The following ZSCAN26 variants were observed in gnomAD, a reference collection of about 807,000 sequenced individuals.
The protein encoded by ZSCAN26 is zinc finger and SCAN domain containing 26, also known as zinc finger and SCAN domain-containing protein 26.
In ZSCAN26, 26 loss-of-function variants were observed where a neutral mutation model predicts 23.0. The ratio of observed to expected loss-of-function variants is 1.13; its 90% CI spans 0.83 to 1.57. The LOEUF (loss-of-function observed/expected upper bound fraction) is 1.57, where lower values mean the gene tolerates loss of function less well. ZSCAN26 is among the 40% of genes most tolerant of loss of function. ZSCAN26 has a pLI of 0.00. For missense variants in ZSCAN26, 528 were observed against 568.5 expected (o/e 0.93, Z 0.72); for synonymous variants, 180 against 202.5 (o/e 0.89, Z 0.94).
rs1428963219 is a variant in ZSCAN26, at chr6:28,277,060, A to G, written c.1404A>G (p.Gln468=). ...EAFRQRSGLF[Q]HQRYHHKDKL... is the part of the protein sequence containing the mutation. ...TCAGGCAAAGGTCAGGTCTTTTTCA[A>G]CATCAGAGATATCACCACAAAGACA... The change falls in exon 4 of 4, where the codon CAA becomes CAG. Residue 468 remains glutamine, a synonymous_variant. Transcript: ENST00000421553. The G allele has an allele frequency of 3.7e-6, 6 of 1,613,792 alleles. No homozygotes were observed. The highest frequency in any genetic ancestry group is 1.1e-5 in the South Asian group (1 of 91,066).
chr6:28,276,128 T>G, intron 3 of ZSCAN26, 67 bp from the exon 4 acceptor site: 1 of 1,426,994 alleles, frequency 7.0e-7, no homozygotes, highest in Non-Finnish European at 9.5e-7. Context: ...TTTTTCCTTT[T>G]AGTTGCAGAT....
intron 1 of ZSCAN26, among the ~76,000 whole-genome samples, chr6:28,268,659 A>C (rs1761546685): frequency 6.6e-6 from 1 of 152,224 alleles, no homozygotes; most frequent in South Asian, 2.1e-4. Flanking sequence ...AACTTGATTG[A>C]TCAGATACAT....
intron 1 of ZSCAN26, among the ~76,000 whole-genome samples, chr6:28,269,598 A>C: frequency 6.6e-6 from 1 of 152,154 alleles, no homozygotes; most frequent in East Asian, 1.9e-4. Context: ...TGAAGGCCAT[A>C]GGCTTGAGAT....
Position 28,276,489 on chromosome 6 carries a change from CTA to C in ZSCAN26, c.834_835del (p.Lys281ArgfsTer6), listed in dbSNP as rs766084746. 5.4e-5 allele frequency: 87 copies of C among 1,613,918 alleles called. No homozygotes were observed. The African/African-American group carries it at 9.5e-4, about 18-fold the overall frequency. On this transcript the variant is annotated frameshift_variant, in exon 4 of 4. Coordinates refer to ENST00000421553, the MANE Select transcript of ZSCAN26 (RefSeq NM_001023560.4). LOFTEE classifies it low-confidence loss of function (END_TRUNC). ...CTTACAGGACATAAGAAAGTCCTCTCTAGAGAGAAAGGTCATCAGTGTCATGA... is the reference window on the plus strand; with the variant it reads ...CTTACAGGACATAAGAAAGTCCTCTCGAGAGAAAGGTCATCAGTGTCATGA...
At position 28,272,146 on chromosome 6, in the gene ZSCAN26, G is replaced by C; in HGVS notation, c.227G>C (p.Cys76Ser). 6.2e-7 allele frequency: 1 copy of C among 1,612,950 alleles called. No individual in the cohort carries two copies. Among genetic ancestry groups the C allele is most frequent in the Non-Finnish European group, 8.5e-7 (1 of 1,179,476 alleles). Residue 76 changes from cysteine to serine, a missense_variant, in exon 2 of 4, where the codon TGT becomes TCT. By Grantham distance (112) the Cys-to-Ser change is moderately radical (BLOSUM62 -1). Transcript: ENST00000421553. ...REALSRLREL[C>S]QQWLQPETHT... ...GCACTAAGTCGGCTCCGGGAGCTCT[G>C]TCAACAGTGGCTACAGCCCGAGACC...
chr6:28,271,261 A>G (rs182016021), intron 1 of ZSCAN26, among the ~76,000 whole-genome samples: 2 of 152,234 alleles, frequency 1.3e-5, no homozygotes, highest in Admixed American at 1.3e-4. Flanking sequence ...TCCCAGCCAT[A>G]ACTAACTACT....
rs1047399523 is a variant in ZSCAN26, at chr6:28,278,098, A to G, written c.*1002A>G. 2.0e-5 allele frequency: 3 copies of G among 152,244 alleles called. No homozygotes were observed. Among genetic ancestry groups the G allele is most frequent in the African/African-American group, 4.8e-5 (2 of 41,462 alleles). The allele number at this position is 152,244 out of a possible 1,614,324, so 9.4% of individuals were successfully genotyped here. A position where few individuals can be genotyped will look rare whatever the true frequency, so the allele number is the denominator to read the frequency against. Reference sequence around the variant, plus strand: ...AAATTAGGGGCGTCCACTCCAAAACATATCACCAGAGTGACAACTTCAGCC... The same window carrying G: ...AAATTAGGGGCGTCCACTCCAAAACGTATCACCAGAGTGACAACTTCAGCC... On this transcript the variant is annotated 3_prime_UTR_variant, in exon 4 of 4. Transcript: ENST00000421553.
chr6:28,277,907 ATGTC>A lies in ZSCAN26; in HGVS notation c.*814_*817del, dbSNP rs2113733221. On this transcript the variant is annotated 3_prime_UTR_variant, in exon 4 of 4. Coordinates refer to ENST00000421553, the MANE Select transcript of ZSCAN26 (RefSeq NM_001023560.4). ...CTGCTGCATAGACACTATTCAGTAA[ATGTC>A]TGATGAAAGAAATTGGACTTTTTCC... The A allele has an allele frequency of 6.6e-6, 1 of 152,342 alleles. No homozygotes were observed. The highest frequency in any genetic ancestry group is 2.4e-5 in the African/African-American group (1 of 41,576). The allele number at this position is 152,342 out of a possible 1,614,324, so 9.4% of individuals were successfully genotyped here. A position where few individuals can be genotyped will look rare whatever the true frequency, so the allele number is the denominator to read the frequency against.
At chr6:28,273,520 G>A (rs912068491) in intron 3 of ZSCAN26, among the ~76,000 whole-genome samples, 2 of 150,590 alleles carry the variant, frequency 1.3e-5, no homozygotes, top group African/African-American at 2.5e-5. Context: ...CAGCCTGGGC[G>A]ACACAGCAAG....
At chr6:28,270,105 G>A (rs765583958) in intron 1 of ZSCAN26, among the ~76,000 whole-genome samples, 7 of 152,020 alleles carry the variant, frequency 4.6e-5, no homozygotes, top group South Asian at 2.1e-4. Flanking sequence ...CACCACACCC[G>A]GCTCATTTTT....
chr6:28,272,173 A>C lies in ZSCAN26; in HGVS notation c.254A>C (p.His85Pro). The stretch of plus-strand genomic sequence containing the variant: ...CAACAGTGGCTACAGCCCGAGACCC[A>C]TACCAAGGAGCAGATCCTGGAGCTG... ...LCQQWLQPET[H>P]TKEQILELLV... The change falls in exon 2 of 4, where the codon CAT becomes CCT. Residue 85 changes from histidine (H) to proline (P), a missense_variant. Transcript: ENST00000421553. 6.2e-7 allele frequency: 1 copy of C among 1,613,948 alleles called. No homozygotes were observed. Among genetic ancestry groups the C allele is most frequent in the Non-Finnish European group, 8.5e-7 (1 of 1,179,984 alleles).
intron 3 of ZSCAN26, 137 bp downstream of exon 3, chr6:28,272,924 A>G: frequency 1.5e-6 from 1 of 659,802 alleles, no homozygotes. Context: ...ATTTATATGT[A>G]GTAAAATTCA....
In ZSCAN26 at chr6:28,272,230, C is replaced by T; in HGVS notation, c.311C>T (p.Pro104Leu). 1 of 1,613,884 alleles carries T rather than the reference C, an allele frequency of 6.2e-7. No individual in the cohort carries two copies. Among genetic ancestry groups the T allele is most frequent in the South Asian group, 1.1e-5 (1 of 90,992 alleles). Reference protein sequence around the residue: ...LVLEQFLIILPKELQARVQEH... With the variant: ...LVLEQFLIILLKELQARVQEH... Reference sequence around the variant, plus strand: ...CTGGAGCAGTTTCTGATCATCCTGCCTAAGGAGCTCCAGGCCCGGGTGCAG... The same window carrying T: ...CTGGAGCAGTTTCTGATCATCCTGCTTAAGGAGCTCCAGGCCCGGGTGCAG... The change falls in exon 2 of 4, where the codon CCT becomes CTT. Residue 104 changes from proline to leucine, a missense_variant. Pro to Leu is a moderately conservative substitution (Grantham distance 98). Transcript: ENST00000421553.
chr6:28,267,757 T>C (rs1761505428), intron 1 of ZSCAN26, among the ~76,000 whole-genome samples: 1 of 152,140 alleles, frequency 6.6e-6, no homozygotes, highest in African/African-American at 2.4e-5. Flanking sequence ...TGTGTGTTTT[T>C]GGAGGATTTT....
intron 3 of ZSCAN26, among the ~76,000 whole-genome samples, chr6:28,274,291 A>G (rs1469715149): frequency 6.6e-6 from 1 of 152,094 alleles, no homozygotes; most frequent in Non-Finnish European, 1.5e-5. Context: ...CATGCTACCT[A>G]TTCCTCTGTT....
chr6:28,276,949 C>G lies in ZSCAN26; in HGVS notation c.1293C>G (p.Ala431=), dbSNP rs1005784837. ...TCAAGTGTAACATATGCCAGAAAGC[C>G]TTCCGACTAAACTCACACCTTGCTC... ...KPFKCNICQK[A]FRLNSHLAQH... The change falls in exon 4 of 4, where the codon GCC becomes GCG. Residue 431 remains alanine, a synonymous_variant. Transcript: ENST00000421553. 5.0e-6 allele frequency: 8 copies of G among 1,613,882 alleles called. No individual in the cohort carries two copies. The Admixed American group carries it at 8.3e-5, about 17-fold the overall frequency.
In ZSCAN26 at chr6:28,277,032, C is replaced by G. The variant is rs371333289; in HGVS notation, c.1376C>G (p.Ala459Gly). 65 of 1,613,818 alleles carry G rather than the reference C, an allele frequency of 4.0e-5. No homozygotes were observed. The highest frequency in any genetic ancestry group is 5.5e-5 in the Non-Finnish European group (65 of 1,179,864). The change falls in exon 4 of 4, where the codon GCC (alanine) becomes GGC (glycine). Residue 459 changes from alanine to glycine, a missense_variant. By Grantham distance (60) the Ala-to-Gly change is moderately conservative. Transcript: ENST00000421553. ...TATCAGTGTAGTGAATGTGGAGAAG[C>G]CTTCAGGCAAAGGTCAGGTCTTTTT... ...KPYQCSECGE[A>G]FRQRSGLFQH...
intron 3 of ZSCAN26, among the ~76,000 whole-genome samples, chr6:28,273,567 C>T (rs776220121): frequency 8.6e-4 from 128 of 148,712 alleles, no homozygotes; most frequent in Middle Eastern, 3.2e-3. Context: ...AAAAAAAAAA[C>T]AAGTACTGCT....
chr6:28,271,775 G>T (rs1435611603), intron 1 of ZSCAN26, 79 bp from the exon 2 acceptor site: 1 of 754,300 alleles, frequency 1.3e-6, no homozygotes, highest in Non-Finnish European at 2.1e-6. Context: ...AATAGGAAAT[G>T]TATAAACCCA....
Sources: allele counts gnomAD v4.1 joint callset (sites outside exome capture counted in the v4.1 genomes callset), GRCh38; gene constraint gnomAD v4.1.1; transcripts MANE v1.5; gene names NCBI Gene and HGNC (gene_info 2026-07-23, HGNC 2026-07-21).